The following LY86 variants were observed in gnomAD, a reference collection of about 807,000 sequenced individuals.
LY86 encodes lymphocyte antigen 86, also known as MD-1, RP105-associated.
In LY86, 20 loss-of-function variants were observed where a neutral mutation model predicts 17.3. The observed-to-expected ratio is 1.15, with a 90% CI of 0.81 to 1.68. The LOEUF (loss-of-function observed/expected upper bound fraction) is 1.68, where lower values mean the gene tolerates loss of function less well. Ranked by LOEUF, LY86 falls within the 40% of genes most tolerant of loss-of-function variation. The pLI, the probability that LY86 is intolerant of heterozygous loss-of-function variation, is 0.00. For missense variants in LY86, 200 were observed against 191.9 expected (o/e 1.04, Z -0.25); for synonymous variants, 74 against 70.6 (o/e 1.05, Z -0.24).
chr6:6,627,083 C>G (rs745686219), intron 3 of LY86, among the ~76,000 whole-genome samples: 13 of 152,074 alleles, frequency 8.5e-5, no homozygotes, highest in Non-Finnish European at 1.6e-4. Flanking sequence ...GAGATGCTTC[C>G]GCGGTGTGGT....
chr6:6,620,921 C>T (rs1761658734), intron 1 of LY86: 1 of 152,270 alleles, frequency 6.6e-6, no homozygotes, highest in South Asian at 2.1e-4. Context: ...TAGAGCTCTT[C>T]CTCACTTCTG....
At chr6:6,606,019 T>C (rs1161287673) in intron 1 of LY86, among the ~76,000 whole-genome samples, 4 of 152,168 alleles carry the variant, frequency 2.6e-5, no homozygotes, top group African/African-American at 4.8e-5. Context: ...GAACAAAACT[T>C]CCACAGCACG....
chr6:6,606,062 G>A (rs774881548), intron 1 of LY86, among the ~76,000 whole-genome samples: 1 of 152,142 alleles, frequency 6.6e-6, no homozygotes, highest in Non-Finnish European at 1.5e-5. Flanking sequence ...TGCTGCTAGC[G>A]CGGGCAGCCT....
chr6:6,629,894 G>A (rs1200935291), intron 3 of LY86, among the ~76,000 whole-genome samples: 1 of 152,224 alleles, frequency 6.6e-6, no homozygotes, highest in East Asian at 1.9e-4. Context: ...GGTACAGTAT[G>A]CTGTGATTTT....
At chr6:6,592,326 ACAGT>A (rs1760555461) in intron 1 of LY86, among the ~76,000 whole-genome samples, 1 of 152,234 alleles carries the variant, frequency 6.6e-6, no homozygotes, top group African/African-American at 2.4e-5. Flanking sequence ...AGGAGCAAAC[ACAGT>A]CAGGGCCTTG....
At chr6:6,615,425 TA>T (rs1761528627) in intron 1 of LY86, among the ~76,000 whole-genome samples, 4 of 152,156 alleles carry the variant, frequency 2.6e-5, no homozygotes, top group Admixed American at 2.6e-4. Context: ...CTATTTAACT[TA>T]AAGCTTGGCT....
At chr6:6,654,247 T>C (rs1406369101) in intron 4 of LY86, among the ~76,000 whole-genome samples, 1 of 152,244 alleles carries the variant, frequency 6.6e-6, no homozygotes, top group Non-Finnish European at 1.5e-5. Flanking sequence ...CTGCTCAAAA[T>C]TGCAGACCAG....
intron 1 of LY86, among the ~76,000 whole-genome samples, chr6:6,605,408 C>CA (rs1016792404): frequency 7.2e-5 from 11 of 152,208 alleles, no homozygotes; most frequent in African/African-American, 2.7e-4. Flanking sequence ...GAGTACATCG[C>CA]AATGAACAGA....
intron 1 of LY86, among the ~76,000 whole-genome samples, chr6:6,620,380 T>C (rs1271740907): frequency 6.6e-6 from 1 of 152,128 alleles, no homozygotes. Flanking sequence ...ATATGGAAAA[T>C]GGGACTAGCT....
At chr6:6,599,262 CGA>C (rs1760822630) in intron 1 of LY86, among the ~76,000 whole-genome samples, 2 of 152,168 alleles carry the variant, frequency 1.3e-5, no homozygotes, top group Admixed American at 1.3e-4. Context: ...GACAGAATCA[CGA>C]GAGATGAGGT....
At chr6:6,616,854 C>A (rs1352410528) in intron 1 of LY86, among the ~76,000 whole-genome samples, 1 of 152,204 alleles carries the variant, frequency 6.6e-6, no homozygotes, top group Non-Finnish European at 1.5e-5. Context: ...GGCCCTGTTT[C>A]TGTCCCCTGT....
rs556906060 is a variant in LY86 at position 6,646,071 on chromosome 6, CTG to C, written c.353-3552_353-3551del. On this transcript the variant is annotated intron_variant, in intron 3 of 4. Transcript: ENST00000230568. ...GTAGCTGAACCACTGCAGTGCATAT[CTG>C]TTAGGGGCACCATTAGCATAGATTG... Among the ~76,000 whole-genome samples the C allele has an allele frequency of 2.0e-5, 3 of 152,232 alleles. No homozygotes were observed. In the South Asian group the frequency reaches 6.2e-4, roughly 32 times the overall value.
intron 3 of LY86, among the ~76,000 whole-genome samples, chr6:6,638,194 C>A (rs983699220): frequency 1.3e-5 from 2 of 151,856 alleles, no homozygotes; most frequent in African/African-American, 4.8e-5. Context: ...GAATACACAC[C>A]GGATTTTGAA....
chr6:6,624,890 G>A (rs1162470887), intron 1 of LY86, 36 bp from the exon 2 acceptor site: 4 of 941,082 alleles, frequency 4.3e-6, no homozygotes, highest in Admixed American at 2.2e-5. Context: ...AATATACGAT[G>A]TACTCGCAAC....
At chr6:6,598,696 C>T (rs1760794980) in intron 1 of LY86, among the ~76,000 whole-genome samples, 1 of 151,542 alleles carries the variant, frequency 6.6e-6, no homozygotes, top group Non-Finnish European at 1.5e-5. Flanking sequence ...AACTCATTGT[C>T]CCACCCTTAT....
At chr6:6,607,836 G>T (rs920639306) in intron 1 of LY86, among the ~76,000 whole-genome samples, 92 of 152,246 alleles carry the variant, frequency 6.0e-4, no homozygotes, top group African/African-American at 2.2e-3. Flanking sequence ...GGAGGCAAAG[G>T]TTGCGGTAAG....
chr6:6,590,455 T>C (rs530212551), intron 1 of LY86, among the ~76,000 whole-genome samples: 25 of 152,084 alleles, frequency 1.6e-4, no homozygotes, highest in Non-Finnish European at 2.9e-4. Flanking sequence ...ATTTAATATT[T>C]TTGGACTGCA....
At chr6:6,603,619 CAA>C (rs758614233) in intron 1 of LY86, among the ~76,000 whole-genome samples, 2 of 117,672 alleles carry the variant, frequency 1.7e-5, no homozygotes, top group South Asian at 2.8e-4. Context: ...AAAAAACAAA[CAA>C]AAAAAAACAA....
chr6:6,639,678 G>A (rs568565844), intron 3 of LY86, among the ~76,000 whole-genome samples: 1 of 152,198 alleles, frequency 6.6e-6, no homozygotes, highest in South Asian at 2.1e-4. Context: ...GGACCTCTGT[G>A]ATTACATTGG....
Sources: allele counts gnomAD v4.1 joint callset (sites outside exome capture counted in the v4.1 genomes callset), GRCh38; gene constraint gnomAD v4.1.1; transcripts MANE v1.5; gene names NCBI Gene and HGNC (gene_info 2026-07-23, HGNC 2026-07-21).